The following FSTL4 variants were observed in gnomAD, a reference collection of about 807,000 sequenced individuals.
FSTL4 encodes follistatin like 4.
Under a neutral mutation model 78.2 loss-of-function variants are expected in FSTL4, and 28 were observed. The observed-to-expected ratio is 0.36, with a 90% CI of 0.27 to 0.49. FSTL4 has a LOEUF of 0.49. FSTL4 is among the 20% of genes least tolerant of loss of function. The probability of loss-of-function intolerance (pLI) is 0.98; values close to 1 mark genes in which losing one functional copy is unlikely to be tolerated. For synonymous variants in FSTL4, 422 were observed against 440.5 expected (o/e 0.96, Z 0.53); for missense variants, 922 against 1,084.9 (o/e 0.85, Z 2.11).
the FSTL4 span, among the ~76,000 whole-genome samples, chr5:133,748,065 G>C: frequency 6.6e-6 from 1 of 152,058 alleles, no homozygotes; most frequent in Middle Eastern, 3.4e-3. Context: ...GTGGTGGCAC[G>C]TGCCTGTAGT....
intron 3 of FSTL4, among the ~76,000 whole-genome samples, chr5:133,475,998 T>C (rs962918696): frequency 6.6e-6 from 1 of 150,956 alleles, no homozygotes; most frequent in Non-Finnish European, 1.5e-5. Context: ...GGCAGGAGGG[T>C]AAGGTGGGTG....
chr5:133,230,023 C>T (rs1048299660), intron 8 of FSTL4, among the ~76,000 whole-genome samples: 1 of 152,182 alleles, frequency 6.6e-6, no homozygotes, highest in Non-Finnish European at 1.5e-5. Flanking sequence ...GAAGTGCTTC[C>T]TGATGTCTAT....
At chr5:133,720,857 T>G in the FSTL4 span, 3 of 152,430 alleles carry the variant, frequency 2.0e-5, no homozygotes, top group African/African-American at 7.2e-5. Context: ...TTTATACTTT[T>G]GTTTTAGGTT....
chr5:133,616,342 T>TATCTATC (rs1761199538), upstream of FSTL4, among the ~76,000 whole-genome samples: 1 of 151,838 alleles, frequency 6.6e-6, no homozygotes, highest in African/African-American at 2.4e-5. Flanking sequence ...TCTATCTATC[T>TATCTATC]ATCTATCTAT....
chr5:133,277,890 G>A (rs1266465539), intron 6 of FSTL4, among the ~76,000 whole-genome samples: 1 of 152,186 alleles, frequency 6.6e-6, no homozygotes, highest in Non-Finnish European at 1.5e-5. Context: ...GGAGTAGGTG[G>A]GGGCCTCATA....
chr5:133,333,368 G>A (rs1754391770), intron 4 of FSTL4, among the ~76,000 whole-genome samples: 1 of 152,196 alleles, frequency 6.6e-6, no homozygotes, highest in African/African-American at 2.4e-5. Context: ...CCACATTCTT[G>A]TTTTGTTTTT....
the FSTL4 span, among the ~76,000 whole-genome samples, chr5:133,647,086 A>G: frequency 1.3e-5 from 2 of 152,142 alleles, no homozygotes; most frequent in African/African-American, 4.8e-5. Flanking sequence ...GTGCTGCATG[A>G]AGAGCGGCCC....
chr5:133,623,857 A>T, the FSTL4 span, among the ~76,000 whole-genome samples: 1 of 152,040 alleles, frequency 6.6e-6, no homozygotes, highest in Non-Finnish European at 1.5e-5. Flanking sequence ...CAAATGGCTG[A>T]ATATTTGCAT....
intron 6 of FSTL4, among the ~76,000 whole-genome samples, chr5:133,297,712 C>G (rs1005616756): frequency 2.6e-5 from 4 of 152,226 alleles, no homozygotes; most frequent in Middle Eastern, 3.2e-3. Flanking sequence ...TCACAGAAAT[C>G]TAGAGTGGGC....
At chr5:133,314,608 T>C (rs1005429675) in intron 5 of FSTL4, among the ~76,000 whole-genome samples, 1 of 151,856 alleles carries the variant, frequency 6.6e-6, no homozygotes, top group African/African-American at 2.4e-5. Flanking sequence ...TCCAGGGAGA[T>C]TCCAAGTGCC....
At chr5:133,489,043 T>G (rs1426245930) in intron 3 of FSTL4, among the ~76,000 whole-genome samples, 1 of 144,736 alleles carries the variant, frequency 6.9e-6, no homozygotes, top group East Asian at 2.2e-4. Context: ...GCACAATCAA[T>G]GCTATTAGAT....
chr5:133,318,823 G>A (rs1181641419), intron 4 of FSTL4, among the ~76,000 whole-genome samples: 1 of 152,238 alleles, frequency 6.6e-6, no homozygotes, highest in Non-Finnish European at 1.5e-5. Flanking sequence ...CCTTGGTGGG[G>A]CGTAAACCAC....
intron 3 of FSTL4, among the ~76,000 whole-genome samples, chr5:133,546,428 C>T (rs1384245647): frequency 6.7e-6 from 1 of 149,550 alleles, no homozygotes; most frequent in African/African-American, 2.5e-5. Context: ...ATTGCTTGAG[C>T]CCAGGAGACG....
chr5:133,651,979 T>G, the FSTL4 span, among the ~76,000 whole-genome samples: 37 of 152,308 alleles, frequency 2.4e-4, no homozygotes, highest in Non-Finnish European at 2.9e-5. Context: ...GTGTGAGTTT[T>G]GGCAAATTGT....
intron 4 of FSTL4, among the ~76,000 whole-genome samples, chr5:133,384,127 C>CT (rs1295160464): frequency 1.3e-5 from 2 of 152,212 alleles, no homozygotes; most frequent in African/African-American, 2.4e-5. Flanking sequence ...AATCAAGCTG[C>CT]TTCCCCACCC....
At chr5:133,224,793 G>A (rs1048615939) in intron 10 of FSTL4, among the ~76,000 whole-genome samples, 1 of 152,212 alleles carries the variant, frequency 6.6e-6, no homozygotes. Flanking sequence ...GTGTGCACAG[G>A]TCAGGTTCTG....
upstream of FSTL4, among the ~76,000 whole-genome samples, chr5:133,617,149 A>C (rs983395967): frequency 6.6e-6 from 1 of 152,048 alleles, no homozygotes; most frequent in Admixed American, 6.6e-5. Context: ...AAATATAAAA[A>C]TTAGCTGGGC....
chr5:133,273,276 A>G (rs1291609842), intron 6 of FSTL4, among the ~76,000 whole-genome samples: 1 of 152,284 alleles, frequency 6.6e-6, no homozygotes, highest in African/African-American at 2.4e-5. Flanking sequence ...TGTAAAAATT[A>G]GTTAATGAGA....
chr5:133,780,067 G>A, the FSTL4 span, among the ~76,000 whole-genome samples: 2 of 152,178 alleles, frequency 1.3e-5, no homozygotes, highest in South Asian at 2.1e-4. Context: ...CCAGGGACAA[G>A]AGGGCTCGCA....
Sources: allele counts gnomAD v4.1 joint callset (sites outside exome capture counted in the v4.1 genomes callset), GRCh38; gene constraint gnomAD v4.1.1; transcripts MANE v1.5; gene names NCBI Gene and HGNC (gene_info 2026-07-23, HGNC 2026-07-21).